PTPRD: variants seen among roughly 807,000 people sequenced by gnomAD.
PTPRD encodes the protein protein tyrosine phosphatase receptor type D.
A neutral mutation model predicts 214.5 loss-of-function variants in PTPRD; 34 were observed. That is an observed-to-expected ratio of 0.16 (90% CI 0.12 to 0.21). PTPRD has a LOEUF of 0.21. Among genes scored for constraint, PTPRD ranks in the 10% least tolerant of loss-of-function variants. The pLI, the probability that PTPRD is intolerant of heterozygous loss-of-function variation, is 1.00. For synonymous variants in PTPRD, 1,128 were observed against 845.7 expected, an observed-to-expected ratio of 1.33 and a Z score of -5.79; for missense variants, 2,545 against 2,398.7, an observed-to-expected ratio of 1.06 and a Z score of -1.27.
chr9:9,227,207 T>C (rs112630227), intron 9 of PTPRD, among the ~76,000 whole-genome samples: 32 of 152,272 alleles, frequency 2.1e-4, no homozygotes, highest in South Asian at 1.4e-3. Context: ...TTTCCTTACA[T>C]ACTGGTGAAG....
chr9:9,551,715 T>C (rs1228488640), intron 8 of PTPRD, among the ~76,000 whole-genome samples: 1 of 151,970 alleles, frequency 6.6e-6, no homozygotes, highest in Non-Finnish European at 1.5e-5. Context: ...TCCTACTGCA[T>C]ATAGCCTGGG....
intron 39 of PTPRD, among the ~76,000 whole-genome samples, chr9:8,373,909 T>TAC (rs1564369345): frequency 7.7e-5 from 6 of 78,156 alleles, no homozygotes; most frequent in South Asian, 4.4e-4. Context: ...TATCTATCTA[T>TAC]CTATCTACCT....
intron 5 of PTPRD, among the ~76,000 whole-genome samples, chr9:9,886,655 G>C (rs1478570246): frequency 6.6e-6 from 1 of 152,154 alleles, no homozygotes. Context: ...ATCTGGGCAG[G>C]AATGGGACTT....
At chr9:9,756,173 G>A (rs1815365059) in intron 6 of PTPRD, among the ~76,000 whole-genome samples, 1 of 151,982 alleles carries the variant, frequency 6.6e-6, no homozygotes, top group African/African-American at 2.4e-5. Flanking sequence ...AAAATATTCT[G>A]ACGAACGACA....
At chr9:9,715,587 T>C (rs1226529269) in intron 7 of PTPRD, among the ~76,000 whole-genome samples, 1 of 152,118 alleles carries the variant, frequency 6.6e-6, no homozygotes, top group African/African-American at 2.4e-5. Context: ...AGACAAAATA[T>C]ACATTAACTA....
intron 9 of PTPRD, among the ~76,000 whole-genome samples, chr9:9,386,514 T>A (rs1184671319): frequency 6.6e-6 from 1 of 152,176 alleles, no homozygotes; most frequent in South Asian, 2.1e-4. Flanking sequence ...TTGGTAATGA[T>A]TAAGTCTTCC....
intron 3 of PTPRD, among the ~76,000 whole-genome samples, chr9:10,108,722 A>C (rs1461006546): frequency 6.6e-6 from 1 of 152,124 alleles, no homozygotes; most frequent in East Asian, 1.9e-4. Context: ...ACTTAAGTGT[A>C]TATCAGTGAA....
At chr9:9,212,098 G>C (rs1234428683) in intron 9 of PTPRD, among the ~76,000 whole-genome samples, 1 of 152,014 alleles carries the variant, frequency 6.6e-6, no homozygotes, top group Non-Finnish European at 1.5e-5. Context: ...AATTATTTCA[G>C]TGTTTTGTAT....
intron 3 of PTPRD, among the ~76,000 whole-genome samples, chr9:10,040,984 G>C (rs140765281): frequency 6.6e-6 from 1 of 152,056 alleles, no homozygotes; most frequent in African/African-American, 2.4e-5. Flanking sequence ...TTGTTGTTTT[G>C]AAGAGTGATA....
At chr9:9,457,473 T>C (rs2093172858) in intron 8 of PTPRD, among the ~76,000 whole-genome samples, 2 of 151,906 alleles carry the variant, frequency 1.3e-5, no homozygotes, top group African/African-American at 4.8e-5. Context: ...GTGATTGGGG[T>C]TAAAGAACAT....
At chr9:8,858,816 CACACACACACACAT>C (rs1267336559) in intron 11 of PTPRD, among the ~76,000 whole-genome samples, 10 of 146,582 alleles carry the variant, frequency 6.8e-5, no homozygotes, top group Non-Finnish European at 7.4e-5. Context: ...CACACACACA[CACACACACACACAT>C]ACACACACAC....
chr9:9,864,309 A>C (rs1199175545), intron 5 of PTPRD, among the ~76,000 whole-genome samples: 1 of 150,866 alleles, frequency 6.6e-6, no homozygotes, highest in African/African-American at 2.5e-5. Flanking sequence ...CAGTCTTAAG[A>C]AAAAGAAAAA....
At chr9:8,418,206 G>A (rs925136709) in intron 35 of PTPRD, among the ~76,000 whole-genome samples, 1 of 151,180 alleles carries the variant, frequency 6.6e-6, no homozygotes, top group African/African-American at 2.4e-5. Flanking sequence ...TGCTTGGAGA[G>A]CACTTTCTTA....
intron 10 of PTPRD, among the ~76,000 whole-genome samples, chr9:9,143,398 T>A (rs2099863522): frequency 6.6e-6 from 1 of 152,180 alleles, no homozygotes; most frequent in South Asian, 2.1e-4. Flanking sequence ...TTTCTACAAT[T>A]ATTTAATCAT....
chr9:9,417,449 A>G (rs2142242764), intron 8 of PTPRD, among the ~76,000 whole-genome samples: 1 of 152,240 alleles, frequency 6.6e-6, no homozygotes, highest in Non-Finnish European at 1.5e-5. Context: ...TGCAAATCCA[A>G]AAACATTTGG....
chr9:10,508,083 G>T (rs1193748295), intron 2 of PTPRD, among the ~76,000 whole-genome samples: 2 of 152,154 alleles, frequency 1.3e-5, no homozygotes, highest in African/African-American at 4.8e-5. Flanking sequence ...AATCTACAAA[G>T]AACTCAAACA....
intron 39 of PTPRD, among the ~76,000 whole-genome samples, chr9:8,353,594 G>A (rs1404597812): frequency 3.3e-5 from 5 of 151,586 alleles, no homozygotes; most frequent in East Asian, 1.9e-4. Context: ...CACTACACCC[G>A]GCTCATTTTC....
chr9:9,895,121 G>T (rs765561301), intron 5 of PTPRD, among the ~76,000 whole-genome samples: 7 of 152,026 alleles, frequency 4.6e-5, no homozygotes, highest in South Asian at 2.1e-4. Flanking sequence ...TTGGCTGGTT[G>T]TAAGACTATA....
chr9:8,905,180 C>A (rs546438548), intron 11 of PTPRD, among the ~76,000 whole-genome samples: 62 of 152,256 alleles, frequency 4.1e-4, no homozygotes, highest in Non-Finnish European at 7.1e-4. Context: ...GCAAATCAAT[C>A]CAATGTTTAT....
Sources: gnomAD v4.1 joint callset for allele counts (sites outside exome capture counted in the v4.1 genomes callset) on GRCh38, gnomAD v4.1.1 for gene constraint, MANE v1.5 for transcripts, NCBI Gene and HGNC (gene_info 2026-07-23, HGNC 2026-07-21) for gene names.